The following MTUS2 variants were observed in gnomAD, a reference collection of about 807,000 sequenced individuals.
MTUS2 encodes the protein microtubule-associated tumor suppressor candidate 2.
In MTUS2, 40 loss-of-function variants were observed where a neutral mutation model predicts 114.1. The observed-to-expected ratio is 0.35, with a 90% CI of 0.27 to 0.46. The LOEUF (loss-of-function observed/expected upper bound fraction) is 0.46, where lower values mean the gene tolerates loss of function less well. Among genes scored for constraint, MTUS2 ranks in the 20% least tolerant of loss-of-function variants. MTUS2 has a pLI of 1.00. For missense variants in MTUS2, 1,679 were observed against 1,705.4 expected (o/e 0.98, Z 0.27); for synonymous variants, 688 against 672.0 (o/e 1.02, Z -0.37).
In MTUS2 at chr13:29,244,183, T is replaced by A. The variant is rs538927377; in HGVS notation, c.2645-37521T>A. Among the ~76,000 whole-genome samples, 3 of 152,202 alleles carry A rather than the reference T, an allele frequency of 2.0e-5. No individual in the cohort carries two copies. The South Asian group carries it at 6.2e-4, about 32-fold the overall frequency. ...TTCTGGAAGGAGTAGGGTGGGGAGT[T>A]GAACAGTGGTCAGCTTGTGCAGATG... On this transcript the variant is annotated intron_variant, in intron 5 of 15. Coordinates refer to ENST00000612955, the MANE Select transcript of MTUS2 (RefSeq NM_001033602.4).
At chr13:29,106,173 G>C (rs1454260953) in intron 5 of MTUS2, among the ~76,000 whole-genome samples, 3 of 152,118 alleles carry the variant, frequency 2.0e-5, no homozygotes, top group Non-Finnish European at 4.4e-5. Flanking sequence ...CTACTCACCT[G>C]CATTTCAAAT....
chr13:29,224,959 G>A (rs1033175867), intron 5 of MTUS2, among the ~76,000 whole-genome samples: 5 of 152,226 alleles, frequency 3.3e-5, no homozygotes, highest in Admixed American at 2.0e-4. Context: ...TTTAGTGGGA[G>A]TTGAGGGGCT....
At chr13:29,486,833 A>G (rs941775812) in intron 10 of MTUS2, among the ~76,000 whole-genome samples, 10 of 152,340 alleles carry the variant, frequency 6.6e-5, no homozygotes, top group Non-Finnish European at 1.5e-4. Context: ...GATCACTGAC[A>G]GAGAATTTGG....
intron 4 of MTUS2, among the ~76,000 whole-genome samples, chr13:29,096,555 G>A (rs540772835): frequency 1.3e-5 from 2 of 152,308 alleles, no homozygotes; most frequent in Admixed American, 6.5e-5. Context: ...GCTTCATGGA[G>A]CTACCAGCCT....
intron 2 of MTUS2, among the ~76,000 whole-genome samples, chr13:29,002,637 A>T (rs1203120907): frequency 6.6e-6 from 1 of 152,346 alleles, no homozygotes; most frequent in Non-Finnish European, 1.5e-5. Flanking sequence ...ATAGTTTAGG[A>T]GCAAACAGAT....
intron 2 of MTUS2, among the ~76,000 whole-genome samples, chr13:28,874,252 C>T (rs527646874): frequency 4.6e-5 from 7 of 152,156 alleles, no homozygotes; most frequent in African/African-American, 9.7e-5. Flanking sequence ...CTGCCCCCCT[C>T]GGCCTCCCAA....
intron 5 of MTUS2, among the ~76,000 whole-genome samples, chr13:29,246,905 A>AAAAAC (rs1437138023): frequency 6.6e-6 from 1 of 152,148 alleles, no homozygotes; most frequent in Non-Finnish European, 1.5e-5. Flanking sequence ...TAAAAAAAAA[A>AAAAAC]AAAAACAATT....
intron 4 of MTUS2, among the ~76,000 whole-genome samples, chr13:29,085,878 A>C (rs1490448002): frequency 6.6e-6 from 1 of 152,204 alleles, no homozygotes; most frequent in African/African-American, 2.4e-5. Flanking sequence ...TATAGTAGCC[A>C]AACTAATTTA....
chr13:29,293,789 A>C (rs759153133), intron 6 of MTUS2, among the ~76,000 whole-genome samples: 1 of 152,178 alleles, frequency 6.6e-6, no homozygotes, highest in Non-Finnish European at 1.5e-5. Flanking sequence ...TTACATGGAA[A>C]GATGTCCATA....
intron 2 of MTUS2, among the ~76,000 whole-genome samples, chr13:28,845,811 T>C (rs1037053413): frequency 1.3e-5 from 2 of 152,054 alleles, no homozygotes; most frequent in South Asian, 2.1e-4. Flanking sequence ...TGTGTGACTT[T>C]ACTTATGTTA....
At chr13:29,380,840 C>T (rs1261701131) in intron 8 of MTUS2, among the ~76,000 whole-genome samples, 4 of 27,996 alleles carry the variant, frequency 1.4e-4, no homozygotes, top group Non-Finnish European at 4.2e-4. Flanking sequence ...GGCGTGAACC[C>T]GGGAAGTGGA....
chr13:28,966,965 T>A (rs1310541217), intron 2 of MTUS2, among the ~76,000 whole-genome samples: 1 of 152,194 alleles, frequency 6.6e-6, no homozygotes, highest in African/African-American at 2.4e-5. Flanking sequence ...CTTGATTAAG[T>A]GTGGTAAATG....
At chr13:29,278,027 A>G (rs1898129642) in intron 5 of MTUS2, among the ~76,000 whole-genome samples, 1 of 152,216 alleles carries the variant, frequency 6.6e-6, no homozygotes, top group Non-Finnish European at 1.5e-5. Flanking sequence ...TTGAATGGAA[A>G]CTTGGCATAT....
chr13:29,090,540 A>G (rs745933130), intron 4 of MTUS2, among the ~76,000 whole-genome samples: 1 of 152,202 alleles, frequency 6.6e-6, no homozygotes, highest in Non-Finnish European at 1.5e-5. Context: ...CTGGTTGCAC[A>G]CTGGTGGCAA....
intron 15 of MTUS2, among the ~76,000 whole-genome samples, chr13:29,502,367 A>G (rs1566242487): frequency 6.6e-6 from 1 of 152,240 alleles, no homozygotes; most frequent in Non-Finnish European, 1.5e-5. Flanking sequence ...ATCGGCAAAC[A>G]TTAACTGAGC....
chr13:29,433,685 T>A (rs1310497760), intron 8 of MTUS2, among the ~76,000 whole-genome samples: 1 of 152,212 alleles, frequency 6.6e-6, no homozygotes, highest in Non-Finnish European at 1.5e-5. Context: ...TGTATTTTGT[T>A]GCTGTTTCCT....
intron 9 of MTUS2, among the ~76,000 whole-genome samples, chr13:29,456,726 A>G (rs1652927467): frequency 6.6e-6 from 1 of 151,676 alleles, no homozygotes; most frequent in Non-Finnish European, 1.5e-5. Flanking sequence ...TGATGAAAGA[A>G]AGAAAAAAAA....
At chr13:29,291,581 C>T (rs1461662405) in intron 6 of MTUS2, among the ~76,000 whole-genome samples, 1 of 152,194 alleles carries the variant, frequency 6.6e-6, no homozygotes, top group Non-Finnish European at 1.5e-5. Flanking sequence ...TCTGCCTTTT[C>T]CAGCCTTTGA....
At chr13:28,860,195 CTGTTG>C (rs1876881547) in intron 2 of MTUS2, among the ~76,000 whole-genome samples, 2 of 152,104 alleles carry the variant, frequency 1.3e-5, no homozygotes, top group Admixed American at 1.3e-4. Flanking sequence ...TAAACAAATA[CTGTTG>C]TTTCTTTTTT....
Sources: gnomAD v4.1 joint callset for allele counts (sites outside exome capture counted in the v4.1 genomes callset) on GRCh38, gnomAD v4.1.1 for gene constraint, MANE v1.5 for transcripts, NCBI Gene and HGNC (gene_info 2026-07-23, HGNC 2026-07-21) for gene names.